DIAPH2: variants seen among roughly 807,000 people sequenced by gnomAD.
The protein encoded by DIAPH2 is diaphanous related formin 2.
In DIAPH2, 35 loss-of-function variants were observed where a neutral mutation model predicts 92.7. The ratio of observed to expected loss-of-function variants is 0.38; its 90% CI spans 0.29 to 0.50. DIAPH2 has a LOEUF of 0.50. Ranked by LOEUF, DIAPH2 falls within the 20% of genes least tolerant of loss-of-function variation. The pLI, the probability that DIAPH2 is intolerant of heterozygous loss-of-function variation, is 0.94. For synonymous variants in DIAPH2, 301 were observed against 280.4 expected, an observed-to-expected ratio of 1.07 and a Z score of -0.73; for missense variants, 701 against 819.5, an observed-to-expected ratio of 0.86 and a Z score of 1.77.
chrX:96,758,377 C>T (rs1042708557), intron 4 of DIAPH2, 119 bp downstream of exon 4: 7 of 446,716 alleles, frequency 1.6e-5, no homozygotes, highest in African/African-American at 1.5e-4. Context: ...ATAGACTGTT[C>T]AGAAGACAAT....
intron 26 of DIAPH2, among the ~76,000 whole-genome samples, chrX:97,489,008 GC>G (rs1353185245): frequency 8.9e-6 from 1 of 111,852 alleles, no homozygotes; most frequent in Non-Finnish European, 1.9e-5. Flanking sequence ...TAAAGGGATT[GC>G]ATTGAATCTA....
rs1215904575 is a variant in DIAPH2, at chrX:96,918,421, A to G, written c.870-88A>G. On this transcript the variant is annotated intron_variant, in intron 8 of 26. Transcript: ENST00000324765. ...TATATATAAACATCAAATACCAGAA[A>G]GAAAACAGGGAATACTGAAAGGACC... 8 of 559,783 alleles carry G rather than the reference A, an allele frequency of 1.4e-5. No homozygotes were observed. The East Asian group carries it at 3.1e-4, about 21-fold the overall frequency. The allele number at this position is 559,783 out of a possible 1,213,427, so 46.1% of individuals were successfully genotyped here.
At chrX:97,308,614 CTTTTTTTTTTT>C (rs34812351) in intron 23 of DIAPH2, among the ~76,000 whole-genome samples, 5 of 40,932 alleles carry the variant, frequency 1.2e-4, no homozygotes, top group African/African-American at 7.6e-5. Flanking sequence ...GAAACCCCAT[CTTTTTTTTTTT>C]TTTTTTTTTT....
intron 25 of DIAPH2, among the ~76,000 whole-genome samples, chrX:97,417,708 A>C (rs1417972811): frequency 3.6e-5 from 4 of 110,728 alleles, no homozygotes; most frequent in Non-Finnish European, 5.7e-5. Flanking sequence ...GAAACAGTTA[A>C]GTTCCGGCGT....
chrX:96,757,058 C>T (rs1013924452), intron 3 of DIAPH2, among the ~76,000 whole-genome samples: 1 of 107,231 alleles, frequency 9.3e-6, no homozygotes, highest in Non-Finnish European at 1.9e-5. Context: ...GCTGGGACTA[C>T]AGGCACCCGC....
At chrX:97,475,849 T>C (rs2070599047) in intron 26 of DIAPH2, among the ~76,000 whole-genome samples, 1 of 112,129 alleles carries the variant, frequency 8.9e-6, no homozygotes, top group South Asian at 3.7e-4. Flanking sequence ...TTGGGAAATA[T>C]TGTAGGGCTT....
At chrX:96,939,454 G>A (rs1376863838) in intron 12 of DIAPH2, 72 bp downstream of exon 12, 2 of 377,817 alleles carry the variant, frequency 5.3e-6, no homozygotes, top group Non-Finnish European at 9.4e-6. Flanking sequence ...ACAATGTAGT[G>A]GGGCCTAAGC....
intron 4 of DIAPH2, among the ~76,000 whole-genome samples, chrX:96,760,424 C>A (rs2147601190): frequency 9.0e-6 from 1 of 111,263 alleles, no homozygotes; most frequent in African/African-American, 3.2e-5. Flanking sequence ...TTAGTCACAG[C>A]TTTCATCTTG....
Position 97,007,919 on chromosome X carries a change from C to T in DIAPH2, c.2050+42712C>T, listed in dbSNP as rs1478842786. 3.8e-5 allele frequency among the ~76,000 whole-genome samples: 4 copies of T among 104,347 alleles called. No individual in the cohort carries two copies. In the South Asian group the frequency reaches 1.8e-3, roughly 47 times the overall value. The allele number at this position is 104,347 out of a possible 115,157, so 90.6% of individuals were successfully genotyped here. A position where few individuals can be genotyped will look rare whatever the true frequency, so the allele number is the denominator to read the frequency against. ...CTGGGACTACAGGCGCCTGCCACCA[C>T]GCCCGGCTAATTTTTTGTATTTTTA... On this transcript the variant is annotated intron_variant, in intron 17 of 26. Coordinates refer to ENST00000324765, the MANE Select transcript of DIAPH2 (RefSeq NM_006729.5).
intron 4 of DIAPH2, among the ~76,000 whole-genome samples, chrX:96,766,484 C>T (rs1302451408): frequency 1.8e-5 from 2 of 109,346 alleles, no homozygotes; most frequent in Non-Finnish European, 3.8e-5. Context: ...TTTTCTGCAA[C>T]TAAAGGGAAT....
In DIAPH2 at chrX:97,602,069, C is replaced by CTT. The variant is rs1287455666; in HGVS notation, c.*2753_*2754dup. On this transcript the variant is annotated 3_prime_UTR_variant, in exon 27 of 27. Transcript: ENST00000324765. ...AGGATAATCTCCTCACCTCATGAGTCTTAACTTAATTACATCTGCAAGGCC... is the reference window on the plus strand; with the variant it reads ...AGGATAATCTCCTCACCTCATGAGTCTTTTAACTTAATTACATCTGCAAGGCC... The CTT allele has an allele frequency of 5.4e-5, 6 of 112,096 alleles. No homozygotes were observed. The highest frequency in any genetic ancestry group is 1.6e-4 in the African/African-American group (5 of 30,802). The allele number at this position is 112,096 out of a possible 1,213,427, so 9.2% of individuals were successfully genotyped here.
chrX:97,268,444 T>C (rs911056113), intron 23 of DIAPH2, among the ~76,000 whole-genome samples: 1 of 112,764 alleles, frequency 8.9e-6, no homozygotes, highest in Admixed American at 9.4e-5. Flanking sequence ...TCACATTTAC[T>C]GTGCTATGGT....
At chrX:96,826,565 A>T (rs1473714488) in intron 4 of DIAPH2, among the ~76,000 whole-genome samples, 2 of 110,900 alleles carry the variant, frequency 1.8e-5, no homozygotes, top group South Asian at 3.9e-4. Context: ...CTTTTACGTT[A>T]TCTGTGAGAG....
At chrX:97,510,569 C>T (rs1484816325) in intron 26 of DIAPH2, among the ~76,000 whole-genome samples, 1 of 104,839 alleles carries the variant, frequency 9.5e-6, no homozygotes, top group Non-Finnish European at 2.0e-5. Context: ...GTGTTTTAGA[C>T]ATGAAGTCCT....
At chrX:96,778,691 T>C (rs757878020) in intron 4 of DIAPH2, among the ~76,000 whole-genome samples, 15 of 111,947 alleles carry the variant, frequency 1.3e-4, no homozygotes, top group Non-Finnish European at 2.3e-4. Context: ...ATCTTCCTAA[T>C]CTTCTGTAGA....
chrX:97,387,162 G>A (rs1372359331), intron 25 of DIAPH2, among the ~76,000 whole-genome samples: 1 of 111,440 alleles, frequency 9.0e-6, no homozygotes, highest in Admixed American at 9.6e-5. Context: ...AGCCAGAAAG[G>A]TCATTTTGAC....
At chrX:96,731,964 C>T (rs2064058274) in intron 1 of DIAPH2, among the ~76,000 whole-genome samples, 1 of 111,311 alleles carries the variant, frequency 9.0e-6, no homozygotes, top group Non-Finnish European at 1.9e-5. Flanking sequence ...TGACTTTAAT[C>T]AGTGCTTTTA....
chrX:96,964,179 G>T (rs368175931), intron 16 of DIAPH2, among the ~76,000 whole-genome samples: 3,574 of 111,333 alleles, frequency 0.032, 154 homozygotes, highest in African/African-American at 0.11. Context: ...CAGCATCTAT[G>T]TAGTAAGTTG....
chrX:97,065,937 A>C (rs1308277254), intron 17 of DIAPH2, among the ~76,000 whole-genome samples: 2 of 112,278 alleles, frequency 1.8e-5, no homozygotes, highest in Non-Finnish European at 3.8e-5. Flanking sequence ...TTGAAACAGG[A>C]AAACGCTTAC....
Sources: gnomAD v4.1 joint callset for allele counts (sites outside exome capture counted in the v4.1 genomes callset) on GRCh38, gnomAD v4.1.1 for gene constraint, MANE v1.5 for transcripts, NCBI Gene and HGNC (gene_info 2026-07-23, HGNC 2026-07-21) for gene names.